The following PRRG4 variants were observed in gnomAD, a reference collection of about 807,000 sequenced individuals.
The protein encoded by PRRG4 is proline rich and Gla domain 4, also known as transmembrane gamma-carboxyglutamic acid protein 4.
PRRG4 carries 12 observed loss-of-function variants against 20.0 expected under a neutral mutation model. The observed-to-expected ratio is 0.60, with a 90% CI of 0.38 to 0.97. The LOEUF (loss-of-function observed/expected upper bound fraction) is 0.97, where lower values mean the gene tolerates loss of function less well. PRRG4 is among the 50% of genes least tolerant of loss of function. The probability of loss-of-function intolerance (pLI) is 0.00; values close to 1 mark genes in which losing one functional copy is unlikely to be tolerated. For missense variants in PRRG4, 199 were observed against 265.1 expected (o/e 0.75, Z 1.73); for synonymous variants, 94 against 96.4 (o/e 0.98, Z 0.15).
intron 2 of PRRG4, among the ~76,000 whole-genome samples, chr11:32,831,849 C>A (rs929990227): frequency 6.6e-6 from 1 of 152,128 alleles, no homozygotes; most frequent in Non-Finnish European, 1.5e-5. Context: ...GGTGAAACCC[C>A]GTCTCTACTA....
At chr11:32,842,701 C>T (rs976956808) in intron 5 of PRRG4, among the ~76,000 whole-genome samples, 1 of 151,484 alleles carries the variant, frequency 6.6e-6, no homozygotes, top group African/African-American at 2.4e-5. Context: ...GCCTAGGCAG[C>T]GAGAGTGAAA....
chr11:32,837,541 GATTATTATTATTATTATT>G (rs35934196), intron 3 of PRRG4, among the ~76,000 whole-genome samples: 5 of 95,870 alleles, frequency 5.2e-5, no homozygotes, highest in East Asian at 3.0e-4. Flanking sequence ...TGATGATGAT[GATTATTATTATTATTATT>G]ATTATTATTA....
chr11:32,839,176 A>G (rs1851051708), intron 4 of PRRG4, among the ~76,000 whole-genome samples: 1 of 152,256 alleles, frequency 6.6e-6, no homozygotes, highest in African/African-American at 2.4e-5. Context: ...TGTTTTAAAC[A>G]GCTCAGCTAA....
chr11:32,839,664 T>C (rs1485571301), intron 4 of PRRG4, among the ~76,000 whole-genome samples: 2 of 146,882 alleles, frequency 1.4e-5, no homozygotes, highest in African/African-American at 2.5e-5. Context: ...ATAAGTATTA[T>C]ATTTTGAATA....
intron 2 of PRRG4, among the ~76,000 whole-genome samples, chr11:32,835,174 T>C (rs1384331040): frequency 6.6e-6 from 1 of 152,236 alleles, no homozygotes; most frequent in East Asian, 1.9e-4. Context: ...AAAATAGTTT[T>C]AGAACATTCA....
intron 2 of PRRG4, among the ~76,000 whole-genome samples, chr11:32,836,078 G>T (rs987813714): frequency 6.6e-6 from 1 of 152,008 alleles, no homozygotes; most frequent in Non-Finnish European, 1.5e-5. Context: ...CTCCAGGCCC[G>T]GTGACAGAGT....
intron 2 of PRRG4, among the ~76,000 whole-genome samples, chr11:32,833,972 G>A (rs1173118019): frequency 6.6e-6 from 1 of 152,134 alleles, no homozygotes; most frequent in African/African-American, 2.4e-5. Flanking sequence ...AAAGAAGAAA[G>A]TTCTGTTCAG....
Position 32,840,330 on chromosome 11 carries a change from T to TAAGA in PRRG4, c.449+93_449+94insGAAA. 1.1e-6 allele frequency: 1 copy of TAAGA among 946,702 alleles called. No homozygotes were observed. Among genetic ancestry groups the TAAGA allele is most frequent in the Non-Finnish European group, 1.6e-6 (1 of 628,072 alleles). 58.6% of individuals were successfully genotyped at this position (946,702 alleles called of 1,614,324 possible). A position where few individuals can be genotyped will look rare whatever the true frequency, so the allele number is the denominator to read the frequency against. On this transcript the variant is annotated intron_variant, in intron 5 of 5. Coordinates refer to ENST00000257836, the MANE Select transcript of PRRG4 (RefSeq NM_024081.6). This position sits in a 1 kb window ranked among gnomAD's most constrained non-coding sequence, Gnocchi z 4.1. ...TCAAGCAAATGGCTGCCTATTTTCTTAAATAAGCCTTTTATTTTGGAAGAA... is the reference window on the plus strand; with the variant it reads ...TCAAGCAAATGGCTGCCTATTTTCTTAAGAAAATAAGCCTTTTATTTTGGAAGAA...
At chr11:32,849,849 G>A (rs1851165917) in intron 5 of PRRG4, among the ~76,000 whole-genome samples, 1 of 152,180 alleles carries the variant, frequency 6.6e-6, no homozygotes, top group Non-Finnish European at 1.5e-5. Context: ...AATGCATTAT[G>A]TGAATTATGG....
At position 32,836,764 on chromosome 11, in the gene PRRG4, T is replaced by C. The variant is rs1367138060; in HGVS notation, c.210T>C (p.Asn70=). Reference sequence around the variant, plus strand: ...CCGGCAACCTAGAAAGAGAGTGCAATGAAGAACTTTGCAATTATGAGGAAG... The same window carrying C: ...CCGGCAACCTAGAAAGAGAGTGCAACGAAGAACTTTGCAATTATGAGGAAG... The part of the protein sequence containing the change: ...FTPGNLEREC[N]EELCNYEEAR... The change falls in exon 3 of 6, where the codon AAT becomes AAC. Residue 70 remains asparagine, a synonymous_variant. Coordinates refer to ENST00000257836, the MANE Select transcript of PRRG4 (RefSeq NM_024081.6). 1.9e-6 allele frequency: 3 copies of C among 1,613,022 alleles called. No homozygotes were observed. The highest frequency in any genetic ancestry group is 1.1e-5 in the South Asian group (1 of 91,054).
intron 3 of PRRG4, among the ~76,000 whole-genome samples, chr11:32,838,313 G>A (rs912034352): frequency 1.3e-5 from 2 of 152,002 alleles, no homozygotes; most frequent in South Asian, 4.2e-4. Flanking sequence ...AAAATTACCT[G>A]GGCGTGGTGT....
At chr11:32,837,507 AGATGATGATGATGATGATGATGAT>A (rs145836180) in intron 3 of PRRG4, among the ~76,000 whole-genome samples, 7 of 134,700 alleles carry the variant, frequency 5.2e-5, no homozygotes, top group African/African-American at 1.9e-4. Context: ...TAACTAACTG[AGATGATGATGATGATGATGATGAT>A]GATGATGATG....
chr11:32,837,574 TA>T, intron 3 of PRRG4, among the ~76,000 whole-genome samples: 1 of 137,642 alleles, frequency 7.3e-6, no homozygotes, highest in East Asian at 2.0e-4. Context: ...TTATTATTAT[TA>T]TTATTATCTG....
At chr11:32,839,642 T>C (rs989026827) in intron 4 of PRRG4, among the ~76,000 whole-genome samples, 1 of 145,136 alleles carries the variant, frequency 6.9e-6, no homozygotes, top group African/African-American at 2.6e-5. Context: ...ATATTTTGAA[T>C]ATTATTAAAA....
intron 5 of PRRG4, among the ~76,000 whole-genome samples, chr11:32,852,772 CTTTT>C (rs531547410): frequency 2.4e-5 from 3 of 126,690 alleles, no homozygotes; most frequent in African/African-American, 8.9e-5. Flanking sequence ...TCAGATTTCT[CTTTT>C]TTTTTTTTTT....
rs1851071182 is a variant in PRRG4, at chr11:32,840,854, G to A, written c.449+615G>A. ...TACCCAAATAGAAACAGTGTAACTGGCTTTTAAATTCAACTATTTTTATTA... is the reference window on the plus strand; with the variant it reads ...TACCCAAATAGAAACAGTGTAACTGACTTTTAAATTCAACTATTTTTATTA... On this transcript the variant is annotated intron_variant, in intron 5 of 5. Coordinates refer to ENST00000257836, the MANE Select transcript of PRRG4 (RefSeq NM_024081.6). This position sits in a 1 kb window ranked among gnomAD's most constrained non-coding sequence, Gnocchi z 4.1. 6.6e-6 allele frequency among the ~76,000 whole-genome samples: 1 copy of A among 152,076 alleles called. No individual in the cohort carries two copies. Among genetic ancestry groups the A allele is most frequent in the Admixed American group, 6.6e-5 (1 of 15,260 alleles).
intron 2 of PRRG4, among the ~76,000 whole-genome samples, chr11:32,834,264 C>T (rs1851000356): frequency 6.6e-6 from 1 of 152,100 alleles, no homozygotes; most frequent in South Asian, 2.1e-4. Flanking sequence ...GATGGTAGAG[C>T]AGCAAGGAGA....
chr11:32,851,479 T>C (rs1159140254), intron 5 of PRRG4, among the ~76,000 whole-genome samples: 1 of 152,202 alleles, frequency 6.6e-6, no homozygotes, highest in Non-Finnish European at 1.5e-5. Flanking sequence ...CTAAGTAAAC[T>C]TGTGATCCTC....
intron 2 of PRRG4, among the ~76,000 whole-genome samples, chr11:32,832,958 T>C (rs567546966): frequency 8.5e-5 from 13 of 152,048 alleles, no homozygotes; most frequent in African/African-American, 2.7e-4. Flanking sequence ...TAGAGAAGGG[T>C]AGAGAATCTA....
Sources: gnomAD v4.1 joint callset for allele counts (sites outside exome capture counted in the v4.1 genomes callset) on GRCh38, gnomAD v4.1.1 for gene constraint, Gnocchi (gnomAD v3.1) non-coding constraint, MANE v1.5 for transcripts, NCBI Gene and HGNC (gene_info 2026-07-23, HGNC 2026-07-21) for gene names.